The following SLC6A19 variants were observed in gnomAD, a reference collection of about 807,000 sequenced individuals.
The protein encoded by SLC6A19 is solute carrier family 6 member 19, also known as sodium-dependent neutral amino acid transporter B(0)AT1.
Under a neutral mutation model 68.3 loss-of-function variants are expected in SLC6A19, and 67 were observed. The ratio of observed to expected loss-of-function variants is 0.98; its 90% confidence interval spans 0.81 to 1.20. The LOEUF is 1.20. Ranked by LOEUF, SLC6A19 falls within the 50% of genes most tolerant of loss-of-function variation. The pLI, the probability that SLC6A19 is intolerant of heterozygous loss-of-function variation, is 0.00. For missense variants in SLC6A19, 813 were observed against 851.6 expected, an observed-to-expected ratio of 0.95 and a Z score of 0.56; for synonymous variants, 392 against 374.9, an observed-to-expected ratio of 1.05 and a Z score of -0.53.
rs905637589 is a variant in SLC6A19, at chr5:1,215,796, C to T, written c.888-762C>T. On this transcript the variant is annotated intron_variant, in intron 6 of 11. Transcript: ENST00000304460. This position sits in a 1 kb window ranked among gnomAD's most constrained non-coding sequence, Gnocchi z 5.1. Reference sequence around the variant, plus strand: ...ATGCTGGCCTCTACATGCAGTCCTTCGAGGAGCTGTCAGGCTGTTTTCCAC... The same window carrying T: ...ATGCTGGCCTCTACATGCAGTCCTTTGAGGAGCTGTCAGGCTGTTTTCCAC... 4.6e-5 allele frequency among the ~76,000 whole-genome samples: 7 copies of T among 152,172 alleles called. No homozygotes were observed. The highest frequency in any genetic ancestry group is 6.5e-5 in the Admixed American group (1 of 15,280).
In SLC6A19 at chr5:1,201,662, C is replaced by T. The variant is rs149106209; in HGVS notation, c.12C>T (p.Leu4=). The T allele has an allele frequency of 1.3e-4, 202 of 1,607,052 alleles. No individual in the cohort carries two copies. Among genetic ancestry groups the T allele is most frequent in the Middle Eastern group, 7.2e-4 (4 of 5,560 alleles). The change falls in exon 1 of 12, where the codon CTC becomes CTT. Residue 4 remains leucine (L), a synonymous_variant. Transcript: ENST00000304460. MVR[L]VLPNPGLDAR... ...GTCCAGCGACCACCATGGTGAGGCT[C>T]GTGCTGCCCAACCCCGGCCTAGACG...
intron 3 of SLC6A19, 73 bp downstream of exon 3, chr5:1,210,654 T>A: frequency 6.3e-7 from 1 of 1,595,902 alleles, no homozygotes; most frequent in Non-Finnish European, 8.5e-7. Context: ...GCACATGGCC[T>A]CAGGAAACTC....
At chr5:1,205,414 G>A (rs1745825843) in intron 1 of SLC6A19, among the ~76,000 whole-genome samples, 1 of 152,240 alleles carries the variant, frequency 6.6e-6, no homozygotes, top group South Asian at 2.1e-4. Flanking sequence ...CTGCATTTGG[G>A]GTGGAGTGGG....
Position 1,210,584 on chromosome 5 carries a change from G to A in SLC6A19, c.481+3G>A, listed in dbSNP as rs753172281. ...CCCGCTCAACGAGAACCAGACAGGT[G>A]AGTCCTTGCAAGCAGCCCCATCCGT... On this transcript the variant is annotated splice_donor_region_variant and intron_variant, in intron 3 of 11. Transcript: ENST00000304460. 10 of 1,612,354 alleles carry A rather than the reference G, an allele frequency of 6.2e-6. No individual in the cohort carries two copies. Among genetic ancestry groups the A allele is most frequent in the Non-Finnish European group, 8.5e-6 (10 of 1,180,022 alleles).
Position 1,201,747 on chromosome 5 carries a change from C to A in SLC6A19, c.97C>A (p.Pro33Thr), listed in dbSNP as rs202242697. 1.4e-4 allele frequency: 218 copies of A among 1,612,644 alleles called. No individual in the cohort carries two copies. The highest frequency in any genetic ancestry group is 1.5e-4 in the Non-Finnish European group (176 of 1,179,918). The change falls in exon 1 of 12, where the codon CCG (proline) becomes ACG (threonine). Residue 33 changes from proline (P) to threonine (T), a missense_variant. Physicochemically the swap from Pro to Thr is conservative, Grantham distance 38. Coordinates refer to ENST00000304460, the MANE Select transcript of SLC6A19 (RefSeq NM_001003841.3). ...CGAGCAGGAGGAGGCCAGCTCCCGGCCGAAGTGGGACAACAAGGCGCAGTA... is the reference window on the plus strand; with the variant it reads ...CGAGCAGGAGGAGGCCAGCTCCCGGACGAAGTGGGACAACAAGGCGCAGTA... The part of the protein sequence containing the change: ...TIEQEEASSR[P>T]KWDNKAQYML...
chr5:1,212,607 C>A lies in SLC6A19; in HGVS notation c.663+123C>A. The A allele has an allele frequency of 7.8e-7, 1 of 1,279,996 alleles. No individual in the cohort carries two copies. Among genetic ancestry groups the A allele is most frequent in the African/African-American group, 1.5e-5 (1 of 67,988 alleles). 79.3% of individuals were successfully genotyped at this position (1,279,996 alleles called of 1,614,324 possible). A position where few individuals can be genotyped will look rare whatever the true frequency, so the allele number is the denominator to read the frequency against. ...TCCCGGGCTCTGCCTTTCCCCAGAC[C>A]CCACCAAGAGAGCTGCCTTTGCCCT... On this transcript the variant is annotated intron_variant, in intron 4 of 11. Transcript: ENST00000304460. The surrounding 1 kb of genome is among the most constrained non-coding windows in gnomAD (Gnocchi z 5.1).
intron 9 of SLC6A19, 53 bp from the exon 10 acceptor site, chr5:1,219,452 G>A: frequency 6.2e-7 from 1 of 1,602,322 alleles, no homozygotes. Context: ...CTCTGTCCCT[G>A]GCCGTGCGTG....
chr5:1,204,717 G>A (rs1422613882), intron 1 of SLC6A19, among the ~76,000 whole-genome samples: 5 of 152,220 alleles, frequency 3.3e-5, no homozygotes, highest in East Asian at 3.9e-4. Context: ...GTCCGTGAGC[G>A]AGGTGGCGTG....
Position 1,209,579 on chromosome 5 carries a change from C to T in SLC6A19, c.343+693C>T, listed in dbSNP as rs916708153. On this transcript the variant is annotated intron_variant, in intron 2 of 11. Transcript: ENST00000304460. This position sits in a 1 kb window ranked among gnomAD's most constrained non-coding sequence, Gnocchi z 5.5. The stretch of plus-strand genomic sequence containing the variant: ...TCGCTGAGTATCCAAGACCTCCCTC[C>T]TCCCTCTCTCTTCCTCTCTCTGTCT... Among the ~76,000 whole-genome samples the T allele has an allele frequency of 5.9e-5, 9 of 151,970 alleles. No homozygotes were observed. The highest frequency in any genetic ancestry group is 1.3e-4 in the Admixed American group (2 of 15,262).
rs771813704 is a variant in SLC6A19, at chr5:1,216,894, C to A, written c.1122C>A (p.Ala374=). Residue 374 remains alanine (A), a synonymous_variant, in exon 8 of 12, where the codon GCC becomes GCA. Coordinates refer to ENST00000304460, the MANE Select transcript of SLC6A19 (RefSeq NM_001003841.3). ...GGTGCAACGCCTCCGACCCCGCGGC[C>A]TACGCGCAGCTGGTGTTCCAGACCT... ...QQRCNASDPA[A]YAQLVFQTCD... 1.2e-5 allele frequency: 20 copies of A among 1,613,628 alleles called. No individual in the cohort carries two copies. The highest frequency in any genetic ancestry group is 1.7e-5 in the Admixed American group (1 of 60,038).
chr5:1,217,832 C>T (rs947670960), intron 8 of SLC6A19, among the ~76,000 whole-genome samples: 10 of 152,368 alleles, frequency 6.6e-5, no homozygotes, highest in South Asian at 2.1e-4. Context: ...GCAAGCTTTC[C>T]GTGTGCTGTT....
chr5:1,216,687 G>A lies in SLC6A19; in HGVS notation c.1016+1G>A, dbSNP rs568073644. 14 of 1,613,648 alleles carry A rather than the reference G, an allele frequency of 8.7e-6. No homozygotes were observed. Among genetic ancestry groups the A allele is most frequent in the East Asian group, 4.5e-5 (2 of 44,886 alleles). On this transcript the variant is annotated splice_donor_variant, in intron 7 of 11. Coordinates refer to ENST00000304460, the MANE Select transcript of SLC6A19 (RefSeq NM_001003841.3). LOFTEE classifies it high-confidence loss of function. ...AGCGCTACGACGACTGCTTCAGCACGTGAGTGGCTGTCCCACCATCCTGGT... is the reference window on the plus strand; with the variant it reads ...AGCGCTACGACGACTGCTTCAGCACATGAGTGGCTGTCCCACCATCCTGGT...
Position 1,222,302 on chromosome 5 carries a change from C to A in SLC6A19, c.*398C>A. Reference sequence around the variant, plus strand: ...TGCATGTATATATAGACATACATGCCTATGTTGTGTGTGGTGTGCATATGT... The same window carrying A: ...TGCATGTATATATAGACATACATGCATATGTTGTGTGTGGTGTGCATATGT... On this transcript the variant is annotated 3_prime_UTR_variant, in exon 12 of 12. Transcript: ENST00000304460. 1.9e-6 allele frequency: 1 copy of A among 538,800 alleles called. No individual in the cohort carries two copies. The highest frequency in any genetic ancestry group is 3.1e-5 in the South Asian group (1 of 32,544). 33.4% of individuals were successfully genotyped at this position (538,800 alleles called of 1,614,324 possible).
chr5:1,201,941 C>A, intron 1 of SLC6A19, 89 bp downstream of exon 1: 2 of 1,457,080 alleles, frequency 1.4e-6, no homozygotes, highest in South Asian at 1.3e-5. Context: ...CCTCCCCGGA[C>A]CCTCGGCTCC....
At chr5:1,211,080 G>A (rs1051393648) in intron 3 of SLC6A19, among the ~76,000 whole-genome samples, 4 of 152,198 alleles carry the variant, frequency 2.6e-5, no homozygotes, top group African/African-American at 7.2e-5. Context: ...AGCTCACGGC[G>A]ATTCACACGT....
Position 1,209,668 on chromosome 5 carries a change from T to TC in SLC6A19, c.344-770dup, listed in dbSNP as rs1435024867. Among the ~76,000 whole-genome samples, 1 of 135,684 alleles carries TC rather than the reference T, an allele frequency of 7.4e-6. No individual in the cohort carries two copies. Among genetic ancestry groups the TC allele is most frequent in the South Asian group, 2.9e-4 (1 of 3,496 alleles). The allele number at this position is 135,684 out of a possible 152,430, so 89.0% of individuals were successfully genotyped here. The stretch of plus-strand genomic sequence containing the variant: ...CTCTTTCCCCTCCTATTCTCTCCCT[T>TC]CCCCCCTCTCTCTCATCCTCCTCCT... On this transcript the variant is annotated intron_variant, in intron 2 of 11. Transcript: ENST00000304460. The surrounding 1 kb of genome is among the most constrained non-coding windows in gnomAD (Gnocchi z 5.5).
Position 1,221,332 on chromosome 5 carries a change from G to C in SLC6A19, c.1701+19G>C. The stretch of plus-strand genomic sequence containing the variant: ...TGGCTACGTAAGTGTCCAGGCAGTC[G>C]CCTGGGGTGGGGAGAGGAATGGGGA... On this transcript the variant is annotated intron_variant, in intron 11 of 11. Coordinates refer to ENST00000304460, the MANE Select transcript of SLC6A19 (RefSeq NM_001003841.3). The C allele has an allele frequency of 6.2e-7, 1 of 1,611,684 alleles. No individual in the cohort carries two copies. Among genetic ancestry groups the C allele is most frequent in the Middle Eastern group, 1.7e-4 (1 of 5,794 alleles).
rs1746081082 is a variant in SLC6A19, at chr5:1,212,791, A to T, written c.663+307A>T. 6.6e-6 allele frequency among the ~76,000 whole-genome samples: 1 copy of T among 152,102 alleles called. No individual in the cohort carries two copies. The highest frequency in any genetic ancestry group is 1.5e-5 in the Non-Finnish European group (1 of 67,994). ...AAAGAGATAGACGATGATGATGATG[A>T]TGGTGATGATGGTGATGATAAAACA... On this transcript the variant is annotated intron_variant, in intron 4 of 11. Transcript: ENST00000304460. This position sits in a 1 kb window ranked among gnomAD's most constrained non-coding sequence, Gnocchi z 5.1.
chr5:1,221,314 G>T lies in SLC6A19; in HGVS notation c.1701+1G>T, dbSNP rs756010661. 9 of 1,613,364 alleles carry T rather than the reference G, an allele frequency of 5.6e-6. No individual in the cohort carries two copies. The highest frequency in any genetic ancestry group is 7.6e-6 in the Non-Finnish European group (9 of 1,180,004). Reference sequence around the variant, plus strand: ...CTACAGCATCTGGGACCCTGGCTACGTAAGTGTCCAGGCAGTCGCCTGGGG... The same window carrying T: ...CTACAGCATCTGGGACCCTGGCTACTTAAGTGTCCAGGCAGTCGCCTGGGG... On this transcript the variant is annotated splice_donor_variant, in intron 11 of 11. Transcript: ENST00000304460. LOFTEE classifies it high-confidence loss of function.
Sources: allele counts gnomAD v4.1 joint callset (sites outside exome capture counted in the v4.1 genomes callset), GRCh38; gene constraint gnomAD v4.1.1; non-coding constraint Gnocchi (gnomAD v3.1); transcripts MANE v1.5; gene names NCBI Gene and HGNC (gene_info 2026-07-23, HGNC 2026-07-21).